FRAS1: variants seen among roughly 807,000 people sequenced by gnomAD.
The protein encoded by FRAS1 is extracellular matrix organizing protein FRAS1.
Under a neutral mutation model 435.2 loss-of-function variants are expected in FRAS1, and 290 were observed. The ratio of observed to expected loss-of-function variants is 0.67; its 90% CI spans 0.61 to 0.73. The LOEUF is 0.73. Among genes scored for constraint, FRAS1 ranks in the 30% least tolerant of loss-of-function variants. The probability of loss-of-function intolerance (pLI) is 0.00; values close to 1 mark genes in which losing one functional copy is unlikely to be tolerated. For synonymous variants in FRAS1, 1,800 were observed against 1,851.0 expected (o/e 0.97, Z 0.71); for missense variants, 4,860 against 5,001.5 (o/e 0.97, Z 0.85).
At chr4:78,225,647 A>G (rs1179140687) in intron 2 of FRAS1, among the ~76,000 whole-genome samples, 4 of 152,218 alleles carry the variant, frequency 2.6e-5, no homozygotes, top group Admixed American at 6.5e-5. Context: ...GTATTCATCT[A>G]TATCTTCCAC....
At position 78,518,434 on chromosome 4, in the gene FRAS1, ATATATATATATATATATATT is replaced by A. The variant is rs1308750157; in HGVS notation, c.10390-893_10390-874del. Reference sequence around the variant, plus strand: ...GTTTTTTTGTTGTGTATATATATATATATATATATATATATATATTTATTTATTTATTTATTTGTGGAAAA... The same window carrying A: ...GTTTTTTTGTTGTGTATATATATATATATTTATTTATTTATTTGTGGAAAA... On this transcript the variant is annotated intron_variant, in intron 66 of 73. Coordinates refer to ENST00000512123, the MANE Select transcript of FRAS1 (RefSeq NM_025074.7). 1.5e-4 allele frequency among the ~76,000 whole-genome samples: 9 copies of A among 59,524 alleles called. 1 individual carries two copies. Among genetic ancestry groups the A allele is most frequent in the African/African-American group, 4.0e-4 (8 of 20,160 alleles). 39.1% of individuals were successfully genotyped at this position (59,524 alleles called of 152,430 possible).
intron 65 of FRAS1, among the ~76,000 whole-genome samples, chr4:78,514,338 T>C (rs540486399): frequency 2.6e-5 from 4 of 152,392 alleles, no homozygotes; most frequent in Admixed American, 6.5e-5. Flanking sequence ...CATTTGACTT[T>C]ACAAAGAATT....
At chr4:78,446,353 G>T in intron 42 of FRAS1, 1 of 1,062,138 alleles carries the variant, frequency 9.4e-7, no homozygotes, top group Non-Finnish European at 1.1e-6. Flanking sequence ...AGGTACTGTG[G>T]TATGCTTAGC....
rs371302166 is a variant in FRAS1 at position 78,511,303 on chromosome 4, G to T, written c.9810G>T (p.Arg3270Ser). ...MVLDSIYFSRRFHVRCVAKAV... is the reference protein window; with the variant it reads ...MVLDSIYFSRSFHVRCVAKAV... ...TGGACAGCATTTACTTCAGCCGGAG[G>T]TTCCATGTGCGTTGTGTGGCCAAGG... Residue 3270 changes from arginine to serine, a missense_variant, in exon 64 of 74, where the codon AGG (arginine) becomes AGT (serine). Arg to Ser is a moderately radical substitution (Grantham distance 110, BLOSUM62 -1). Coordinates refer to ENST00000512123, the MANE Select transcript of FRAS1 (RefSeq NM_025074.7). 8 of 1,605,144 alleles carry T rather than the reference G, an allele frequency of 5.0e-6. No homozygotes were observed. The highest frequency in any genetic ancestry group is 5.1e-6 in the Non-Finnish European group (6 of 1,173,060).
chr4:78,438,571 A>G lies in FRAS1; in HGVS notation c.5219A>G (p.Asp1740Gly), dbSNP rs776845709. ...IITRSHLAYV[D>G]DSSPDPEIWI... ...CCTGCCTCATGTTTGCCTCATTAGG[A>G]TGATTCTTCCCCCGACCCAGAGATC... The change falls in exon 39 of 74, where the codon GAT becomes GGT. Residue 1740 changes from aspartate (D) to glycine (G), a missense_variant and splice_region_variant. Physicochemically the swap from Asp to Gly is moderately conservative, Grantham distance 94. Transcript: ENST00000512123. 1.9e-6 allele frequency: 3 copies of G among 1,613,668 alleles called. No individual in the cohort carries two copies. The highest frequency in any genetic ancestry group is 2.2e-5 in the South Asian group (2 of 91,002).
chr4:78,495,052 C>T (rs1720473517), intron 59 of FRAS1, among the ~76,000 whole-genome samples: 1 of 152,100 alleles, frequency 6.6e-6, no homozygotes, highest in African/African-American at 2.4e-5. Flanking sequence ...AGTTATATCT[C>T]ATTTTAATTT....
intron 63 of FRAS1, 86 bp downstream of exon 63, chr4:78,509,092 T>C (rs946887104): frequency 2.2e-5 from 31 of 1,435,880 alleles, no homozygotes; most frequent in Non-Finnish European, 3.0e-5. Context: ...AAATTCCTTA[T>C]GGTCCATGCA....
chr4:78,258,813 G>A (rs1316600894), intron 6 of FRAS1, among the ~76,000 whole-genome samples: 1 of 135,636 alleles, frequency 7.4e-6, no homozygotes, highest in Non-Finnish European at 1.6e-5. Flanking sequence ...CCACTAACTC[G>A]TCATCTAGCA....
At chr4:78,192,539 G>A (rs949723704) in intron 2 of FRAS1, among the ~76,000 whole-genome samples, 1 of 152,142 alleles carries the variant, frequency 6.6e-6, no homozygotes, top group African/African-American at 2.4e-5. Flanking sequence ...ATTTCCTCTA[G>A]ATTTTCTAGT....
At chr4:78,385,799 C>A (rs1027051017) in intron 28 of FRAS1, among the ~76,000 whole-genome samples, 1 of 151,392 alleles carries the variant, frequency 6.6e-6, no homozygotes, top group Admixed American at 6.6e-5. Context: ...GCAGGAGACT[C>A]GCTTGAACCC....
intron 30 of FRAS1, among the ~76,000 whole-genome samples, chr4:78,402,005 C>T (rs2110346718): frequency 6.6e-6 from 1 of 151,828 alleles, no homozygotes; most frequent in South Asian, 2.1e-4. Flanking sequence ...TCTGTAGTAC[C>T]ATAACCAAAA....
At chr4:78,498,740 A>G (rs1720584969) in intron 60 of FRAS1, among the ~76,000 whole-genome samples, 1 of 152,084 alleles carries the variant, frequency 6.6e-6, no homozygotes, top group South Asian at 2.1e-4. Flanking sequence ...CAATTTTTCC[A>G]TCTTTTTATC....
intron 69 of FRAS1, 21 bp downstream of exon 69, chr4:78,522,829 C>T (rs771416658): frequency 6.4e-7 from 1 of 1,574,632 alleles, no homozygotes; most frequent in Non-Finnish European, 8.6e-7. Flanking sequence ...TGATGGAGGC[C>T]TCCATGGGTA....
chr4:78,543,661 G>C lies in FRAS1; in HGVS notation c.*2537G>C, dbSNP rs1722124397. On this transcript the variant is annotated 3_prime_UTR_variant, in exon 74 of 74. Transcript: ENST00000512123. ...CTAGTGGATGCACACTTGTTAAATAGTGTTAAGAGATGTGGAGATGAGATA... is the reference window on the plus strand; with the variant it reads ...CTAGTGGATGCACACTTGTTAAATACTGTTAAGAGATGTGGAGATGAGATA... The C allele has an allele frequency of 6.6e-6, 1 of 152,228 alleles. No individual in the cohort carries two copies. The highest frequency in any genetic ancestry group is 1.5e-5 in the Non-Finnish European group (1 of 68,050). The allele number at this position is 152,228 out of a possible 1,614,324, so 9.4% of individuals were successfully genotyped here.
chr4:78,273,574 T>C (rs776479855), intron 9 of FRAS1, among the ~76,000 whole-genome samples: 15 of 152,246 alleles, frequency 9.9e-5, no homozygotes, highest in African/African-American at 3.6e-4. Flanking sequence ...GAGATAATCA[T>C]GTGGTTTTTG....
In FRAS1 at chr4:78,542,123, A is replaced by T. The variant is rs1462395117; in HGVS notation, c.*999A>T. On this transcript the variant is annotated 3_prime_UTR_variant, in exon 74 of 74. Transcript: ENST00000512123. Reference sequence around the variant, plus strand: ...GTGATTCATTTGAATAAGGCAAATTAGGAGAAAGCCCAGGTTGGGGTGAAA... The same window carrying T: ...GTGATTCATTTGAATAAGGCAAATTTGGAGAAAGCCCAGGTTGGGGTGAAA... The T allele has an allele frequency of 6.6e-6, 1 of 152,232 alleles. No homozygotes were observed. The highest frequency in any genetic ancestry group is 2.4e-5 in the African/African-American group (1 of 41,448). 9.4% of individuals were successfully genotyped at this position (152,232 alleles called of 1,614,324 possible).
intron 15 of FRAS1, among the ~76,000 whole-genome samples, chr4:78,313,993 C>G (rs943471335): frequency 1.6e-4 from 24 of 152,156 alleles, no homozygotes; most frequent in Non-Finnish European, 2.9e-5. Flanking sequence ...TCATGACTTT[C>G]TTTTGGAAAC....
intron 1 of FRAS1, among the ~76,000 whole-genome samples, chr4:78,064,417 T>C (rs28627760): frequency 0.25 from 37,456 of 151,528 alleles, 5,008 homozygotes; most frequent in East Asian, 0.35. Flanking sequence ...AATGACATAT[T>C]TATATTAATT....
intron 20 of FRAS1, among the ~76,000 whole-genome samples, chr4:78,354,585 G>C (rs182057624): frequency 1.3e-5 from 2 of 152,204 alleles, no homozygotes; most frequent in East Asian, 3.9e-4. Flanking sequence ...CAAATTCTAT[G>C]CCCTTTAAAG....
Sources: allele counts gnomAD v4.1 joint callset (sites outside exome capture counted in the v4.1 genomes callset), GRCh38; gene constraint gnomAD v4.1.1; transcripts MANE v1.5; gene names NCBI Gene and HGNC (gene_info 2026-07-23, HGNC 2026-07-21).